REV1: variants seen among roughly 807,000 people sequenced by gnomAD.
REV1 encodes the protein REV1 DNA directed polymerase.
REV1 carries 42 observed loss-of-function variants against 137.4 expected under a neutral mutation model. The observed-to-expected ratio is 0.31, with a 90% CI of 0.24 to 0.40. REV1 has a LOEUF of 0.40. Ranked by LOEUF, REV1 falls within the 10% of genes least tolerant of loss-of-function variation. The pLI, the probability that REV1 is intolerant of heterozygous loss-of-function variation, is 1.00. For missense variants in REV1, 1,282 were observed against 1,490.1 expected (o/e 0.86, Z 2.30); for synonymous variants, 524 against 519.2 (o/e 1.01, Z -0.12).
intron 9 of REV1, among the ~76,000 whole-genome samples, chr2:99,427,316 G>T (rs1412624847): frequency 6.6e-6 from 1 of 152,178 alleles, no homozygotes; most frequent in Admixed American, 6.5e-5. Flanking sequence ...TGACTTTAAA[G>T]ATCTGTGATT....
chr2:99,401,121 C>G lies in REV1; in HGVS notation c.*120G>C. On this transcript the variant is annotated 3_prime_UTR_variant, in exon 23 of 23. Transcript: ENST00000258428. ...TTTTTGAAAAGAAATGTACAAAACACTTGCTTTAAAAGAAATTTAAAATTA... is the reference window on the plus strand; with the variant it reads ...TTTTTGAAAAGAAATGTACAAAACAGTTGCTTTAAAAGAAATTTAAAATTA... 1 of 547,132 alleles carries G rather than the reference C, an allele frequency of 1.8e-6. No individual in the cohort carries two copies. Among genetic ancestry groups the G allele is most frequent in the Middle Eastern group, 4.6e-4 (1 of 2,168 alleles). The allele number at this position is 547,132 out of a possible 1,614,324, so 33.9% of individuals were successfully genotyped here.
Position 99,408,074 on chromosome 2 carries a change from T to C in REV1, c.2403A>G (p.Leu801=). Residue 801 remains leucine, a synonymous_variant, in exon 15 of 23, where the codon CTA becomes CTG. Coordinates refer to ENST00000258428, the MANE Select transcript of REV1 (RefSeq NM_016316.4). ...TTAGTTTCATTGTATGAAACATGTT[T>C]AGCATCGCCTTTCCAATTATTTTTG... ...DNAKIIGKAM[L]NMFHTMKLNI... is the part of the protein sequence containing the mutation. 6.2e-7 allele frequency: 1 copy of C among 1,610,600 alleles called. No homozygotes were observed. Among genetic ancestry groups the C allele is most frequent in the Non-Finnish European group, 8.5e-7 (1 of 1,178,244 alleles).
At position 99,474,174 on chromosome 2, in the gene REV1, C is replaced by G. The variant is rs528191070; in HGVS notation, c.-10-9189G>C. 4.6e-5 allele frequency among the ~76,000 whole-genome samples: 7 copies of G among 152,094 alleles called. 1 individual carries two copies. In the East Asian group the frequency reaches 1.4e-3, roughly 29 times the overall value. On this transcript the variant is annotated intron_variant, in intron 1 of 22. Transcript: ENST00000258428. ...TTACATTTCACATTACTAGTAATAC[C>G]TTTCACTTCTGAAGTATCCTTAGTT... is the stretch of plus-strand genomic sequence containing the variant.
chr2:99,408,927 A>G (rs1026638119), intron 14 of REV1, among the ~76,000 whole-genome samples: 3 of 152,236 alleles, frequency 2.0e-5, no homozygotes, highest in Admixed American at 2.0e-4. Flanking sequence ...AAATTATTAT[A>G]AATTGAATTG....
chr2:99,431,727 T>A, intron 8 of REV1: 1 of 985,402 alleles, frequency 1.0e-6, no homozygotes, highest in Non-Finnish European at 1.2e-6. Flanking sequence ...TTCCTCTCCA[T>A]TGGGCTGGCT....
At position 99,402,284 on chromosome 2, in the gene REV1, CT is replaced by C; in HGVS notation, c.3603del (p.Asp1202IlefsTer7). 1.3e-6 allele frequency: 2 copies of C among 1,501,030 alleles called. No homozygotes were observed. Among genetic ancestry groups the C allele is most frequent in the Non-Finnish European group, 1.8e-6 (2 of 1,093,410 alleles). 93.0% of individuals were successfully genotyped at this position (1,501,030 alleles called of 1,614,324 possible). On this transcript the variant is annotated frameshift_variant, in exon 22 of 23. Coordinates refer to ENST00000258428, the MANE Select transcript of REV1 (RefSeq NM_016316.4). LOFTEE classifies it high-confidence loss of function. ...ATAACTAGATCCAGTTTTTCCAAAT[CT>C]TTTTCTTCTATTAGATCAGTACAGT... ...VKYCTDLIEEKDLEKLDLVIK... is the reference protein window; with the variant it reads ...VKYCTDLIEEXDLEKLDLVIK...
At chr2:99,434,873 A>G (rs1248481538) in intron 7 of REV1, among the ~76,000 whole-genome samples, 1 of 152,168 alleles carries the variant, frequency 6.6e-6, no homozygotes, top group African/African-American at 2.4e-5. Context: ...AACTAAATAC[A>G]TATGCATAGG....
At chr2:99,401,969 A>AACGATCC (rs1294084684) in intron 22 of REV1, among the ~76,000 whole-genome samples, 2 of 152,124 alleles carry the variant, frequency 1.3e-5, no homozygotes, top group Non-Finnish European at 2.9e-5. Context: ...GCTGGTCTCA[A>AACGATCC]ACGATCCACC....
intron 1 of REV1, among the ~76,000 whole-genome samples, chr2:99,487,281 T>A (rs761139238): frequency 2.0e-5 from 1 of 49,890 alleles, no homozygotes; most frequent in Non-Finnish European, 4.5e-5. Context: ...AAGATTCAAA[T>A]GTAAGTGGTT....
At position 99,419,227 on chromosome 2, in the gene REV1, T is replaced by TTG. The variant is rs1553545259; in HGVS notation, c.1832-281_1832-280insCA. 4.5e-3 allele frequency among the ~76,000 whole-genome samples: 639 copies of TTG among 141,100 alleles called. 3 individuals carry two copies. Among genetic ancestry groups the TTG allele is most frequent in the African/African-American group, 0.015 (558 of 36,794 alleles). 92.6% of individuals were successfully genotyped at this position (141,100 alleles called of 152,430 possible). The stretch of plus-strand genomic sequence containing the variant: ...CTGATTTTTTTTTTTTTTTTTTTTT[T>TTG]GGGGGATGGAGGCTCACTCTGTTGC... On this transcript the variant is annotated intron_variant, in intron 11 of 22. Coordinates refer to ENST00000258428, the MANE Select transcript of REV1 (RefSeq NM_016316.4).
At chr2:99,464,890 G>A (rs754174133) in intron 2 of REV1, 32 bp downstream of exon 2, 19 of 1,585,390 alleles carry the variant, frequency 1.2e-5, no homozygotes, top group African/African-American at 8.1e-5. Flanking sequence ...TAGACAGTTC[G>A]ATATAATTAT....
chr2:99,453,353 C>T (rs1239128989), intron 3 of REV1, among the ~76,000 whole-genome samples: 1 of 135,642 alleles, frequency 7.4e-6, no homozygotes, highest in Non-Finnish European at 1.6e-5. Flanking sequence ...GCAAGACTGT[C>T]TCAAAAAAAA....
intron 9 of REV1, among the ~76,000 whole-genome samples, chr2:99,429,040 G>A (rs552503269): frequency 6.0e-5 from 9 of 148,948 alleles, no homozygotes; most frequent in Non-Finnish European, 7.4e-5. Context: ...ACTCTGTTTC[G>A]ATTTGAAATT....
chr2:99,412,039 C>T (rs1401358153), intron 13 of REV1, among the ~76,000 whole-genome samples: 2 of 150,958 alleles, frequency 1.3e-5, no homozygotes, highest in Non-Finnish European at 2.9e-5. Flanking sequence ...TGAGACCAGC[C>T]TGGCCAACAC....
intron 7 of REV1, 34 bp from the exon 8 acceptor site, chr2:99,434,482 G>A: frequency 7.0e-7 from 1 of 1,428,934 alleles, no homozygotes; most frequent in Non-Finnish European, 9.5e-7. Context: ...TTCTGTATGT[G>A]GTACAGGAAT....
intron 21 of REV1, 78 bp downstream of exon 21, chr2:99,402,566 A>C: frequency 9.5e-6 from 13 of 1,369,206 alleles, no homozygotes; most frequent in Non-Finnish European, 1.3e-5. Context: ...AAATCTGCAT[A>C]GTTTAGTCTG....
At position 99,462,620 on chromosome 2, in the gene REV1, A is replaced by G; in HGVS notation, c.57T>C (p.Gly19=). The G allele has an allele frequency of 6.2e-7, 1 of 1,600,530 alleles. No individual in the cohort carries two copies. Among genetic ancestry groups the G allele is most frequent in the South Asian group, 1.1e-5 (1 of 87,894 alleles). Residue 19 remains glycine, a splice_region_variant and synonymous_variant, in exon 3 of 23, where the codon GGT becomes GGC. Transcript: ENST00000258428. ...RAENDGWETW[G]GYMAAKVQKL... The stretch of plus-strand genomic sequence containing the variant: ...TCTGGACCTTGGCAGCCATATACCC[A>G]CCCTAGAATTAAAGAAAAGGTAAAC...
intron 11 of REV1, 47 bp from the exon 12 acceptor site, chr2:99,418,994 A>AAC: frequency 6.8e-7 from 1 of 1,468,942 alleles, no homozygotes; most frequent in Non-Finnish European, 9.4e-7. Flanking sequence ...ATTATTTTTT[A>AAC]AATTTCTCAA....
At position 99,412,946 on chromosome 2, in the gene REV1, C is replaced by G. The variant is rs1269308939; in HGVS notation, c.1957G>C (p.Gly653Arg). 1 of 1,610,000 alleles carries G rather than the reference C, an allele frequency of 6.2e-7. No individual in the cohort carries two copies. The highest frequency in any genetic ancestry group is 2.2e-5 in the East Asian group (1 of 44,838). Residue 653 changes from glycine (G) to arginine (R), a missense_variant, in exon 13 of 23, where the codon GGA becomes CGA. Transcript: ENST00000258428. Reference sequence around the variant, plus strand: ...GCCAACTTAGATTCCATTGAATGTCCAACTCCTAGGAAAGGGAATATAGTT... The same window carrying G: ...GCCAACTTAGATTCCATTGAATGTCGAACTCCTAGGAAAGGGAATATAGTT... Reference protein sequence around the residue: ...GQLVTNLPGVGHSMESKLASL... With the variant: ...GQLVTNLPGVRHSMESKLASL...
Sources: allele counts gnomAD v4.1 joint callset (sites outside exome capture counted in the v4.1 genomes callset), GRCh38; gene constraint gnomAD v4.1.1; transcripts MANE v1.5; gene names NCBI Gene and HGNC (gene_info 2026-07-23, HGNC 2026-07-21).